The following CCDC7 variants were observed in gnomAD, a reference collection of about 807,000 sequenced individuals.
CCDC7 encodes the protein coiled-coil domain containing 7, also known as coiled-coil domain-containing protein 7.
In CCDC7, 183 loss-of-function variants were observed where a neutral mutation model predicts 196.9. The observed-to-expected ratio is 0.93, with a 90% CI of 0.82 to 1.05. The LOEUF (loss-of-function observed/expected upper bound fraction) is 1.05, where lower values mean the gene tolerates loss of function less well. Ranked by LOEUF, CCDC7 falls within the 50% of genes least tolerant of loss-of-function variation. The pLI is 0.00. For synonymous variants in CCDC7, 525 were observed against 484.6 expected, an observed-to-expected ratio of 1.08 and a Z score of -1.10; for missense variants, 1,540 against 1,482.2, an observed-to-expected ratio of 1.04 and a Z score of -0.64.
chr10:32,671,417 G>A (rs78415288), intron 21 of CCDC7, among the ~76,000 whole-genome samples: 2 of 152,220 alleles, frequency 1.3e-5, no homozygotes, highest in East Asian at 3.9e-4. Flanking sequence ...TAACTTAGGT[G>A]TGTAGTAGGC....
chr10:32,630,404 C>T (rs1274992989), intron 18 of CCDC7, among the ~76,000 whole-genome samples: 2 of 151,978 alleles, frequency 1.3e-5, no homozygotes, highest in Non-Finnish European at 1.5e-5. Context: ...TGGGAAGAAG[C>T]TTGTAATAGG....
At chr10:32,487,588 GCT>G (rs1209122317) in intron 8 of CCDC7, among the ~76,000 whole-genome samples, 3 of 152,212 alleles carry the variant, frequency 2.0e-5, no homozygotes, top group African/African-American at 7.2e-5. Flanking sequence ...CAGTTTTTCT[GCT>G]CTGTTTTTTC....
chr10:32,725,520 G>A (rs2082994345), intron 25 of CCDC7: 2 of 408,178 alleles, frequency 4.9e-6, no homozygotes, highest in African/African-American at 2.1e-5. Flanking sequence ...AGAATATTGT[G>A]TTCATGCATT....
At chr10:32,729,299 A>G in intron 27 of CCDC7, 33 bp from the exon 29 acceptor site, 1 of 1,519,876 alleles carries the variant, frequency 6.6e-7, no homozygotes, top group Non-Finnish European at 8.9e-7. Context: ...CATATCCAGA[A>G]GTTCTATTGC....
Position 32,550,679 on chromosome 10 carries a change from T to C in CCDC7, c.1134+6378T>C, listed in dbSNP as rs189854384. 8.1e-4 allele frequency among the ~76,000 whole-genome samples: 123 copies of C among 152,300 alleles called. No individual in the cohort carries two copies. In the Middle Eastern group the frequency reaches 0.01, roughly 13 times the overall value. ...ATTGTGTGATTTTTGTTTTTAATTC[T>C]TTTTATGTTGTGTATCACATTTATT... On this transcript the variant is annotated intron_variant, in intron 13 of 41. Transcript: ENST00000639629.
chr10:32,453,484 C>A lies in CCDC7; in HGVS notation c.372+48C>A. ...TAGAGACATTAACACTGAAAAGGGT[C>A]GATTTTCTTTTTAAAAATATAAATT... On this transcript the variant is annotated intron_variant, in intron 2 of 41. Coordinates refer to ENST00000639629, the Ensembl canonical transcript of CCDC7. 3 of 1,243,470 alleles carry A rather than the reference C, an allele frequency of 2.4e-6. No individual in the cohort carries two copies. In the South Asian group the frequency reaches 7.0e-5, roughly 29 times the overall value. The allele number at this position is 1,243,470 out of a possible 1,614,324, so 77.0% of individuals were successfully genotyped here.
chr10:32,709,705 A>T (rs1284994076), intron 24 of CCDC7, among the ~76,000 whole-genome samples: 1 of 152,164 alleles, frequency 6.6e-6, no homozygotes, highest in African/African-American at 2.4e-5. Flanking sequence ...AACAGGCCAG[A>T]GACCAGTACT....
At chr10:32,839,540 G>A (rs1419306668) in intron 33 of CCDC7, among the ~76,000 whole-genome samples, 1 of 150,858 alleles carries the variant, frequency 6.6e-6, no homozygotes, top group Non-Finnish European at 1.5e-5. Flanking sequence ...GAAATGAGAT[G>A]ACACAATAAT....
chr10:32,686,778 G>A (rs1288261796), intron 22 of CCDC7, among the ~76,000 whole-genome samples: 1 of 152,152 alleles, frequency 6.6e-6, no homozygotes, highest in African/African-American at 2.4e-5. Flanking sequence ...CAAGGTCTTT[G>A]TACTTTTTAT....
intron 24 of CCDC7, among the ~76,000 whole-genome samples, chr10:32,701,961 A>C (rs1233631251): frequency 6.6e-6 from 1 of 152,100 alleles, no homozygotes; most frequent in East Asian, 1.9e-4. Context: ...TGGTCTTTTC[A>C]AAAAACCAGC....
intron 11 of CCDC7, among the ~76,000 whole-genome samples, chr10:32,527,447 G>C (rs151048170): frequency 2.0e-5 from 3 of 152,006 alleles, no homozygotes; most frequent in African/African-American, 7.3e-5. Flanking sequence ...AAAATTTGGT[G>C]TTCCAACAGA....
intron 11 of CCDC7, among the ~76,000 whole-genome samples, chr10:32,535,121 G>A (rs1377543378): frequency 6.6e-6 from 1 of 150,972 alleles, no homozygotes; most frequent in Non-Finnish European, 1.5e-5. Context: ...ACTTCTCTGG[G>A]TGAAAAACTC....
chr10:32,519,172 A>G (rs2047502231), intron 11 of CCDC7, among the ~76,000 whole-genome samples: 3 of 152,164 alleles, frequency 2.0e-5, no homozygotes, highest in African/African-American at 7.2e-5. Flanking sequence ...ATATAAGATC[A>G]GGGCTGTCAT....
chr10:32,703,919 A>AT (rs1484730027), intron 24 of CCDC7, among the ~76,000 whole-genome samples: 4 of 151,538 alleles, frequency 2.6e-5, no homozygotes, highest in Admixed American at 1.3e-4. Context: ...CATTCGTCTA[A>AT]TTTTTTTTCA....
intron 30 of CCDC7, among the ~76,000 whole-genome samples, chr10:32,809,197 A>G (rs2135276560): frequency 6.6e-6 from 1 of 152,328 alleles, no homozygotes; most frequent in African/African-American, 2.4e-5. Flanking sequence ...ACACCTCAAA[A>G]AGAACACAAT....
chr10:32,549,796 T>A (rs1381389416), intron 13 of CCDC7, among the ~76,000 whole-genome samples: 1 of 152,222 alleles, frequency 6.6e-6, no homozygotes. Flanking sequence ...ACCAGTACCA[T>A]GCTGTTTTGG....
At chr10:32,516,537 C>G (rs751838911) in intron 9 of CCDC7, among the ~76,000 whole-genome samples, 1 of 152,170 alleles carries the variant, frequency 6.6e-6, no homozygotes, top group Non-Finnish European at 1.5e-5. Flanking sequence ...ATCTTCCTGC[C>G]TCGGTCTCCC....
At chr10:32,461,152 T>G (rs11596658) in intron 3 of CCDC7, among the ~76,000 whole-genome samples, 66 of 152,206 alleles carry the variant, frequency 4.3e-4, no homozygotes, top group Non-Finnish European at 8.2e-4. Context: ...TATTTTGAAC[T>G]GTGTATGGAT....
At chr10:32,619,294 T>G (rs2063117211) in intron 18 of CCDC7, among the ~76,000 whole-genome samples, 1 of 152,022 alleles carries the variant, frequency 6.6e-6, no homozygotes, top group Admixed American at 6.6e-5. Flanking sequence ...GATTCCATTA[T>G]AAAGCTACTT....
Sources: gnomAD v4.1 joint callset for allele counts (sites outside exome capture counted in the v4.1 genomes callset) on GRCh38, gnomAD v4.1.1 for gene constraint, MANE v1.5 for transcripts, NCBI Gene and HGNC (gene_info 2026-07-23, HGNC 2026-07-21) for gene names.